The following SHISAL2B variants were observed in gnomAD, a reference collection of about 807,000 sequenced individuals.
The protein encoded by SHISAL2B is shisa like 2B.
SHISAL2B carries 12 observed loss-of-function variants against 16.5 expected under a neutral mutation model. The ratio of observed to expected loss-of-function variants is 0.73; its 90% confidence interval spans 0.47 to 1.18. SHISAL2B has a LOEUF of 1.18. Ranked by LOEUF, SHISAL2B falls within the 50% of genes most tolerant of loss-of-function variation. The pLI, the probability that SHISAL2B is intolerant of heterozygous loss-of-function variation, is 0.00. For missense variants in SHISAL2B, 183 were observed against 193.6 expected (o/e 0.95, Z 0.33); for synonymous variants, 72 against 75.0 (o/e 0.96, Z 0.21).
intron 1 of SHISAL2B, among the ~76,000 whole-genome samples, chr5:64,693,334 G>A (rs1386411151): frequency 2.0e-5 from 3 of 152,104 alleles, no homozygotes; most frequent in East Asian, 1.9e-4. Context: ...TAAAGTGAAC[G>A]GTGACATTGA....
At chr5:64,711,461 T>C (rs1175111014) in intron 2 of SHISAL2B, among the ~76,000 whole-genome samples, 19 of 141,558 alleles carry the variant, frequency 1.3e-4, no homozygotes, top group African/African-American at 5.3e-4. Flanking sequence ...TGAGGATTTT[T>C]GCATCAATGT....
intron 1 of SHISAL2B, among the ~76,000 whole-genome samples, chr5:64,694,396 G>C (rs1741698560): frequency 6.6e-6 from 1 of 152,100 alleles, no homozygotes; most frequent in Non-Finnish European, 1.5e-5. Context: ...AACAAAATGT[G>C]GTTCAAGAAG....
chr5:64,700,337 C>T (rs968367243), intron 2 of SHISAL2B, among the ~76,000 whole-genome samples: 4 of 152,184 alleles, frequency 2.6e-5, no homozygotes, highest in African/African-American at 9.7e-5. Context: ...ATACCAAAGT[C>T]CTCAGATGTT....
chr5:64,709,366 C>T (rs1741921142), intron 2 of SHISAL2B, among the ~76,000 whole-genome samples: 2 of 151,444 alleles, frequency 1.3e-5, no homozygotes, highest in South Asian at 4.2e-4. Context: ...AGGACATGAA[C>T]TCATCATTTT....
chr5:64,697,663 T>C (rs761689079), intron 2 of SHISAL2B, among the ~76,000 whole-genome samples: 1 of 152,092 alleles, frequency 6.6e-6, no homozygotes, highest in East Asian at 1.9e-4. Context: ...AATTTATATA[T>C]AGAATATATA....
At chr5:64,707,241 A>C (rs1484462898) in intron 2 of SHISAL2B, among the ~76,000 whole-genome samples, 2 of 152,000 alleles carry the variant, frequency 1.3e-5, no homozygotes, top group Non-Finnish European at 2.9e-5. Context: ...CTCAGATAAG[A>C]CTTTTTATTT....
intron 2 of SHISAL2B, among the ~76,000 whole-genome samples, chr5:64,716,631 GA>G (rs1334372372): frequency 6.6e-6 from 1 of 152,072 alleles, no homozygotes; most frequent in Non-Finnish European, 1.5e-5. Context: ...GAAGGACTTG[GA>G]AAAAAGTGAG....
intron 2 of SHISAL2B, among the ~76,000 whole-genome samples, chr5:64,697,871 T>A (rs1453743964): frequency 6.6e-6 from 1 of 152,208 alleles, no homozygotes; most frequent in Non-Finnish European, 1.5e-5. Flanking sequence ...ATCAAATACA[T>A]CACCACTGTG....
intron 2 of SHISAL2B, among the ~76,000 whole-genome samples, chr5:64,711,990 C>T (rs1356913784): frequency 4.2e-5 from 2 of 47,650 alleles, no homozygotes; most frequent in African/African-American, 1.8e-4. Context: ...AAAAAACCAG[C>T]TCCTGGATTC....
chr5:64,700,536 G>A (rs1425031506), intron 2 of SHISAL2B, among the ~76,000 whole-genome samples: 2 of 152,004 alleles, frequency 1.3e-5, no homozygotes, highest in Non-Finnish European at 2.9e-5. Flanking sequence ...TCAGCCTCCC[G>A]AGTAGCTGAG....
Position 64,690,737 on chromosome 5 carries a change from C to T in SHISAL2B, c.114C>T (p.Gly38=). The T allele has an allele frequency of 6.5e-7, 1 of 1,539,064 alleles. No homozygotes were observed. The highest frequency in any genetic ancestry group is 1.4e-5 in the African/African-American group (1 of 73,102). ...GEGAALQYCC[G]FADLKYCCSE... ...GGGCAGCGCTCCAGTATTGCTGCGG[C>T]TTCGCCGACCTCAAGTACTGCTGCA... Residue 38 remains glycine, a synonymous_variant, in exon 1 of 3, where the codon GGC becomes GGT. Transcript: ENST00000389074.
intron 2 of SHISAL2B, among the ~76,000 whole-genome samples, chr5:64,696,797 G>A (rs1741744199): frequency 6.6e-6 from 1 of 152,206 alleles, no homozygotes. Context: ...GTGCACTGCT[G>A]AAAGTAGACC....
chr5:64,709,133 C>A (rs1357949891), intron 2 of SHISAL2B, among the ~76,000 whole-genome samples: 3 of 146,918 alleles, frequency 2.0e-5, no homozygotes, highest in Non-Finnish European at 4.5e-5. Context: ...GTGCACTGCA[C>A]CCACTAACTC....
intron 2 of SHISAL2B, among the ~76,000 whole-genome samples, chr5:64,698,376 T>A (rs1741766993): frequency 6.6e-6 from 1 of 152,222 alleles, no homozygotes; most frequent in African/African-American, 2.4e-5. Flanking sequence ...ACAGTCTTCA[T>A]CATGACCTGT....
chr5:64,702,900 G>A (rs1454946821), intron 2 of SHISAL2B, among the ~76,000 whole-genome samples: 1 of 151,988 alleles, frequency 6.6e-6, no homozygotes, highest in East Asian at 1.9e-4. Context: ...GGTCTGTTTT[G>A]GACTCTGTGT....
chr5:64,714,333 C>T (rs1742004195), intron 2 of SHISAL2B, among the ~76,000 whole-genome samples: 1 of 142,112 alleles, frequency 7.0e-6, no homozygotes, highest in Non-Finnish European at 1.5e-5. Context: ...CTGGGGGGTG[C>T]CTCCCAGTTA....
intron 2 of SHISAL2B, among the ~76,000 whole-genome samples, chr5:64,698,381 A>G (rs190515756): frequency 6.6e-6 from 1 of 152,168 alleles, no homozygotes; most frequent in East Asian, 1.9e-4. Flanking sequence ...CTTCATCATG[A>G]CCTGTGGGGA....
chr5:64,691,695 A>G (rs1741653442), intron 1 of SHISAL2B: 1 of 152,170 alleles, frequency 6.6e-6, no homozygotes, highest in South Asian at 2.1e-4. Flanking sequence ...TTTCATTATG[A>G]ATTGCTTTTC....
chr5:64,704,641 G>T (rs1420705490), intron 2 of SHISAL2B, among the ~76,000 whole-genome samples: 1 of 152,108 alleles, frequency 6.6e-6, no homozygotes, highest in African/African-American at 2.4e-5. Context: ...ATTTTTATGT[G>T]TAACAAATCT....
Sources: gnomAD v4.1 joint callset for allele counts (sites outside exome capture counted in the v4.1 genomes callset) on GRCh38, gnomAD v4.1.1 for gene constraint, MANE v1.5 for transcripts, NCBI Gene and HGNC (gene_info 2026-07-23, HGNC 2026-07-21) for gene names.